Variants in MKI67 observed in about 807,000 individuals in gnomAD.
MKI67 encodes the protein proliferation marker protein Ki-67.
MKI67 carries 152 observed loss-of-function variants against 233.5 expected under a neutral mutation model. The observed-to-expected ratio is 0.65, with a 90% confidence interval of 0.57 to 0.74. The LOEUF is 0.74. Among genes scored for constraint, MKI67 ranks in the 30% least tolerant of loss-of-function variants. The pLI, the probability that MKI67 is intolerant of heterozygous loss-of-function variation, is 0.00. For missense variants in MKI67, 3,940 were observed against 3,885.2 expected (o/e 1.01, Z -0.37); for synonymous variants, 1,465 against 1,418.5 (o/e 1.03, Z -0.74).
chr10:128,104,730 C>G lies in MKI67; in HGVS notation c.7110G>C (p.Glu2370Asp), dbSNP rs771575544. 2.5e-6 allele frequency: 4 copies of G among 1,613,646 alleles called. No homozygotes were observed. The African/African-American group carries it at 4.0e-5, about 16-fold the overall frequency. The change falls in exon 13 of 15, where the codon GAG becomes GAC. Residue 2370 changes from glutamate to aspartate, a missense_variant. Glu to Asp is a conservative substitution (Grantham distance 45). Coordinates refer to ENST00000368654, the MANE Select transcript of MKI67 (RefSeq NM_002417.5). ...PKRNLRKADVEEEFLALRKRT... is the reference protein window; with the variant it reads ...PKRNLRKADVDEEFLALRKRT... ...GTTTCCTGAGTGCTAAAAATTCTTC[C>G]TCTACGTCTGCTTTCCTGAGGTTTC...
Position 128,113,480 on chromosome 10 carries a change from T to G in MKI67, c.1603A>C (p.Lys535Gln). 1 of 1,614,182 alleles carries G rather than the reference T, an allele frequency of 6.2e-7. No homozygotes were observed. Among genetic ancestry groups the G allele is most frequent in the Non-Finnish European group, 8.5e-7 (1 of 1,180,040 alleles). ...TPLKRGEAPT[K>Q]RKSLVMHTPP... ...GTGTGCATTACCAGAGACTTTCTTT[T>G]GGTTGGGGCTTCTCCCCTTTTGAGA... Residue 535 changes from lysine (K) to glutamine (Q), a missense_variant, in exon 8 of 15, where the codon AAA becomes CAA. Physicochemically the swap from Lys to Gln is moderately conservative, Grantham distance 53. Transcript: ENST00000368654.
Position 128,115,604 on chromosome 10 carries a change from A to G in MKI67, c.804T>C (p.Thr268=). The G allele has an allele frequency of 6.2e-7, 1 of 1,614,168 alleles. No individual in the cohort carries two copies. The highest frequency in any genetic ancestry group is 8.5e-7 in the Non-Finnish European group (1 of 1,180,020). ...CACTTTCTTTCTCTGTTGCGTAATC[A>G]GTTTGTAATCCAGATTTTCTACAAT... ...LQYCRKSGLQ[T]DYATEKESAD... The change falls in exon 7 of 15, where the codon ACT becomes ACC. Residue 268 remains threonine (T), a synonymous_variant. Coordinates refer to ENST00000368654, the MANE Select transcript of MKI67 (RefSeq NM_002417.5).
rs2136137866 is a variant in MKI67 at position 128,108,726 on chromosome 10, G to C, written c.3114C>G (p.Leu1038=). 1 of 1,614,190 alleles carries C rather than the reference G, an allele frequency of 6.2e-7. No homozygotes were observed. Among genetic ancestry groups the C allele is most frequent in the Non-Finnish European group, 8.5e-7 (1 of 1,180,040 alleles). The change falls in exon 13 of 15, where the codon CTC becomes CTG. Residue 1038 remains leucine (L), a synonymous_variant. Coordinates refer to ENST00000368654, the MANE Select transcript of MKI67 (RefSeq NM_002417.5). ...TCCGTGTGAACTTGCCGACTGCTAG[G>C]AGCTCTTCTTTCACACCTACTTTCC... ...SLGKVGVKEE[L]LAVGKFTRTS...
chr10:128,115,474 C>T lies in MKI67; in HGVS notation c.934G>A (p.Glu312Lys). The change falls in exon 7 of 15, where the codon GAG (glutamate) becomes AAG (lysine). Residue 312 changes from glutamate to lysine, a missense_variant. Transcript: ENST00000368654. The part of the protein sequence containing the change: ...AVAEPASPEQ[E>K]LDQNKGKGRD... Reference sequence around the variant, plus strand: ...CCCTTCCCCTTGTTCTGGTCAAGCTCTTGTTCAGGTGAAGCAGGCTCTGCC... The same window carrying T: ...CCCTTCCCCTTGTTCTGGTCAAGCTTTTGTTCAGGTGAAGCAGGCTCTGCC... 6.2e-7 allele frequency: 1 copy of T among 1,613,976 alleles called. No individual in the cohort carries two copies. The highest frequency in any genetic ancestry group is 8.5e-7 in the Non-Finnish European group (1 of 1,179,958).
In MKI67 at chr10:128,105,589, T is replaced by C. The variant is rs146580693; in HGVS notation, c.6251A>G (p.Gln2084Arg). The C allele has an allele frequency of 6.2e-7, 1 of 1,614,090 alleles. No individual in the cohort carries two copies. ...EDLAGFKELF[Q>R]TPDHTEESTT... ...TGATTCCTCAGTGTGGTCTGGTGTC[T>C]GGAAGAGCTCTTTGAAGCCGGCCAG... The change falls in exon 13 of 15, where the codon CAG (glutamine) becomes CGG (arginine). Residue 2084 changes from glutamine to arginine, a missense_variant. Transcript: ENST00000368654.
At chr10:128,100,076 G>A (rs533006682) in intron 14 of MKI67, among the ~76,000 whole-genome samples, 1 of 152,230 alleles carries the variant, frequency 6.6e-6, no homozygotes, top group Non-Finnish European at 1.5e-5. Context: ...ACGGGTGAAC[G>A]TGCTGACCCA....
chr10:128,099,370 C>T, intron 14 of MKI67, 115 bp from the exon 15 acceptor site: 1 of 556,738 alleles, frequency 1.8e-6, no homozygotes, highest in Non-Finnish European at 3.0e-6. Context: ...TCCTTAGTTG[C>T]AGAAAATTAA....
chr10:128,102,991 G>A lies in MKI67; in HGVS notation c.8849C>T (p.Pro2950Leu), dbSNP rs1013637906. Reference sequence around the variant, plus strand: ...TATTTTTAGAGGTTTTCCACTGTCAGGTGTTTGCTTTGGAGCGCTTGTAAA... The same window carrying A: ...TATTTTTAGAGGTTTTCCACTGTCAAGTGTTTGCTTTGGAGCGCTTGTAAA... Reference protein sequence around the residue: ...DSFTSAPKQTPDSGKPLKISR... With the variant: ...DSFTSAPKQTLDSGKPLKISR... The change falls in exon 13 of 15, where the codon CCT (proline) becomes CTT (leucine). Residue 2950 changes from proline to leucine, a missense_variant. Pro to Leu is a moderately conservative substitution (Grantham distance 98). Transcript: ENST00000368654. 3.1e-5 allele frequency: 50 copies of A among 1,614,084 alleles called. No homozygotes were observed. Among genetic ancestry groups the A allele is most frequent in the Non-Finnish European group, 4.2e-5 (50 of 1,180,048 alleles).
At position 128,115,767 on chromosome 10, in the gene MKI67, C is replaced by CG; in HGVS notation, c.640dup (p.Arg214ProfsTer15). The stretch of plus-strand genomic sequence containing the variant: ...GGGAACAGACTTCAATTCTCCATAA[C>CG]GGCTCACTAATTTAACGCTGGAAAT... On this transcript the variant is annotated frameshift_variant, in exon 7 of 15. Transcript: ENST00000368654. LOFTEE classifies it high-confidence loss of function. The CG allele has an allele frequency of 6.2e-7, 1 of 1,613,188 alleles. No homozygotes were observed. Among genetic ancestry groups the CG allele is most frequent in the Non-Finnish European group, 8.5e-7 (1 of 1,180,026 alleles).
chr10:128,125,422 A>C lies in MKI67; in HGVS notation c.92+154T>G, dbSNP rs995519675. 5.9e-5 allele frequency among the ~76,000 whole-genome samples: 9 copies of C among 152,334 alleles called. No individual in the cohort carries two copies. The highest frequency in any genetic ancestry group is 5.9e-4 in the Admixed American group (9 of 15,310). On this transcript the variant is annotated intron_variant, in intron 2 of 14. Coordinates refer to ENST00000368654, the MANE Select transcript of MKI67 (RefSeq NM_002417.5). This position sits in a 1 kb window ranked among gnomAD's most constrained non-coding sequence, Gnocchi z 5.3. The stretch of plus-strand genomic sequence containing the variant: ...AAATTTATACTTACAAAACAAAAAA[A>C]CACAACTATGTCAACTTAGTAACGA...
At chr10:128,121,182 T>A (rs1034345313) in intron 4 of MKI67, among the ~76,000 whole-genome samples, 16 of 151,590 alleles carry the variant, frequency 1.1e-4, no homozygotes. Context: ...TAGTACAGCC[T>A]CAAAATATAC....
rs1487168712 is a variant in MKI67 at position 128,106,332 on chromosome 10, T to C, written c.5508A>G (p.Arg1836=). Residue 1836 remains arginine, a synonymous_variant, in exon 13 of 15, where the codon AGA becomes AGG. Coordinates refer to ENST00000368654, the MANE Select transcript of MKI67 (RefSeq NM_002417.5). ...CAGTGCATGGTGTCTGGAAAAGCTCTCTGAAGCCAGTCAGTTCTTCTAGAG... is the reference window on the plus strand; with the variant it reads ...CAGTGCATGGTGTCTGGAAAAGCTCCCTGAAGCCAGTCAGTTCTTCTAGAG... ...AQALEELTGF[R]ELFQTPCTDN... is the part of the protein sequence containing the mutation. The C allele has an allele frequency of 4.3e-6, 7 of 1,613,754 alleles. No homozygotes were observed. The African/African-American group carries it at 5.3e-5, about 12-fold the overall frequency.
rs1852790304 is a variant in MKI67 at position 128,115,772 on chromosome 10, C to T, written c.636G>A (p.Val212=). Residue 212 remains valine, a synonymous_variant, in exon 7 of 15, where the codon GTG becomes GTA. Coordinates refer to ENST00000368654, the MANE Select transcript of MKI67 (RefSeq NM_002417.5). ...CAGACTTCAATTCTCCATAACGGCT[C>T]ACTAATTTAACGCTGGAAATTTCTT... ...DFKEISSVKL[V]SRYGELKSVP... 2 of 1,612,946 alleles carry T rather than the reference C, an allele frequency of 1.2e-6. No homozygotes were observed. The highest frequency in any genetic ancestry group is 1.7e-6 in the Non-Finnish European group (2 of 1,180,052).
chr10:128,112,037 A>G lies in MKI67; in HGVS notation c.1978T>C (p.Ser660Pro), dbSNP rs1019254163. Residue 660 changes from serine to proline, a missense_variant, in exon 10 of 15, where the codon TCA becomes CCA. Transcript: ENST00000368654. ...CCAAGTTTTACTACATCTGCCCATG[A>G]TTTTGCAACTGTCAAAGGGAAAAGA... ...ASEANLIVAK[S>P]WADVVKLGAK... The G allele has an allele frequency of 8.1e-6, 13 of 1,610,294 alleles. No homozygotes were observed. Among genetic ancestry groups the G allele is most frequent in the Non-Finnish European group, 1.1e-5 (13 of 1,179,078 alleles).
At chr10:128,116,226 C>G (rs752994663) in intron 6 of MKI67, among the ~76,000 whole-genome samples, 17 of 152,218 alleles carry the variant, frequency 1.1e-4, no homozygotes, top group Non-Finnish European at 1.9e-4. Flanking sequence ...TATGAAATAG[C>G]ACATGCTATC....
At position 128,098,330 on chromosome 10, in the gene MKI67, G is replaced by A. The variant is rs759181414; in HGVS notation, c.*860C>T. The A allele has an allele frequency of 1.3e-5, 2 of 152,172 alleles. No homozygotes were observed. The highest frequency in any genetic ancestry group is 2.4e-5 in the African/African-American group (1 of 41,414). 9.4% of individuals were successfully genotyped at this position (152,172 alleles called of 1,614,324 possible). A position where few individuals can be genotyped will look rare whatever the true frequency, so the allele number is the denominator to read the frequency against. Reference sequence around the variant, plus strand: ...GAGTACTGGTGTCACTTCCTGTACTGGGTGGCATCGGGCTGCCAGATAGAG... The same window carrying A: ...GAGTACTGGTGTCACTTCCTGTACTAGGTGGCATCGGGCTGCCAGATAGAG... On this transcript the variant is annotated 3_prime_UTR_variant, in exon 15 of 15. Transcript: ENST00000368654.
chr10:128,110,056 G>A (rs1175489229), intron 12 of MKI67, among the ~76,000 whole-genome samples: 1 of 152,092 alleles, frequency 6.6e-6, no homozygotes, highest in Non-Finnish European at 1.5e-5. Flanking sequence ...TTGAATATGA[G>A]TAATTTATAT....
chr10:128,118,667 C>T (rs1172317027), intron 5 of MKI67, among the ~76,000 whole-genome samples: 1 of 152,220 alleles, frequency 6.6e-6, no homozygotes, highest in Non-Finnish European at 1.5e-5. Context: ...TATACTCAAA[C>T]TATCTAAATT....
Position 128,115,908 on chromosome 10 carries a change from G to A in MKI67, c.500C>T (p.Thr167Ile), listed in dbSNP as rs1852795960. ...AACACTGTCTTTTGAGTCATCTGCG[G>A]TACTGTCTTCTTTGACATTCTTGAT... is the stretch of plus-strand genomic sequence containing the variant. ...VHIKNVKEDS[T>I]ADDSKDSVAQ... The change falls in exon 7 of 15, where the codon ACC (threonine) becomes ATC (isoleucine). Residue 167 changes from threonine to isoleucine, a missense_variant. Physicochemically the swap from Thr to Ile is moderately conservative, Grantham distance 89. Coordinates refer to ENST00000368654, the MANE Select transcript of MKI67 (RefSeq NM_002417.5). The A allele has an allele frequency of 6.2e-7, 1 of 1,610,646 alleles. No homozygotes were observed. Among genetic ancestry groups the A allele is most frequent in the African/African-American group, 1.3e-5 (1 of 74,922 alleles).
Sources: allele counts gnomAD v4.1 joint callset (sites outside exome capture counted in the v4.1 genomes callset), GRCh38; gene constraint gnomAD v4.1.1; non-coding constraint Gnocchi (gnomAD v3.1); transcripts MANE v1.5; gene names NCBI Gene and HGNC (gene_info 2026-07-23, HGNC 2026-07-21).